AGBL4: variants seen among roughly 807,000 people sequenced by gnomAD.
AGBL4 encodes the protein cytosolic carboxypeptidase 6.
Under a neutral mutation model 66.4 loss-of-function variants are expected in AGBL4, and 58 were observed. That is an observed-to-expected ratio of 0.87 (90% CI 0.71 to 1.09). The LOEUF is 1.09. Among genes scored for constraint, AGBL4 ranks in the 50% least tolerant of loss-of-function variants. The pLI is 0.00. For missense variants in AGBL4, 579 were observed against 631.0 expected, an observed-to-expected ratio of 0.92 and a Z score of 0.88; for synonymous variants, 234 against 222.9, an observed-to-expected ratio of 1.05 and a Z score of -0.44.
At chr1:49,550,606 T>C (rs948606192) in intron 3 of AGBL4, among the ~76,000 whole-genome samples, 1 of 152,192 alleles carries the variant, frequency 6.6e-6, no homozygotes, top group South Asian at 2.1e-4. Context: ...AATTGTTTTA[T>C]TTGAGGAGGC....
chr1:49,063,354 T>C (rs890974245), intron 4 of AGBL4, among the ~76,000 whole-genome samples: 12 of 151,976 alleles, frequency 7.9e-5, no homozygotes, highest in African/African-American at 2.7e-4. Context: ...AACAGGTAAA[T>C]AGAATTTGGA....
intron 9 of AGBL4, among the ~76,000 whole-genome samples, chr1:48,599,822 T>C (rs1401579976): frequency 6.6e-6 from 1 of 152,098 alleles, no homozygotes; most frequent in Non-Finnish European, 1.5e-5. Flanking sequence ...AAGTAGGCAG[T>C]TGAATTCATG....
intron 3 of AGBL4, among the ~76,000 whole-genome samples, chr1:49,637,627 C>A (rs1369123808): frequency 1.3e-5 from 2 of 151,972 alleles, no homozygotes; most frequent in Non-Finnish European, 2.9e-5. Context: ...GAAATATTCC[C>A]TTTTTTATAT....
intron 6 of AGBL4, among the ~76,000 whole-genome samples, chr1:48,711,033 G>T (rs1646959449): frequency 1.3e-5 from 2 of 152,100 alleles, no homozygotes; most frequent in South Asian, 4.1e-4. Flanking sequence ...GTGCATCCTT[G>T]TCTGTCTGTC....
intron 6 of AGBL4, among the ~76,000 whole-genome samples, chr1:48,809,749 G>C (rs2148755525): frequency 6.6e-6 from 1 of 152,238 alleles, no homozygotes; most frequent in Non-Finnish European, 1.5e-5. Context: ...TTACTCTTAG[G>C]GGTCTGAGGT....
At chr1:49,408,819 T>C (rs1340153222) in intron 3 of AGBL4, among the ~76,000 whole-genome samples, 1 of 152,214 alleles carries the variant, frequency 6.6e-6, no homozygotes, top group African/African-American at 2.4e-5. Flanking sequence ...GCTTCCTTGC[T>C]CCTCAGCTGG....
At chr1:48,918,427 G>A (rs1389269449) in intron 5 of AGBL4, among the ~76,000 whole-genome samples, 2 of 152,214 alleles carry the variant, frequency 1.3e-5, no homozygotes, top group Non-Finnish European at 2.9e-5. Flanking sequence ...CAAAGAGGCA[G>A]CCTGGTGTGT....
chr1:49,061,341 C>G (rs1208374057), intron 4 of AGBL4, among the ~76,000 whole-genome samples: 4 of 152,122 alleles, frequency 2.6e-5, no homozygotes. Flanking sequence ...AGACGAGGAT[C>G]TTGAGGAGAT....
At chr1:48,768,783 A>G (rs1237519433) in intron 6 of AGBL4, among the ~76,000 whole-genome samples, 2 of 152,334 alleles carry the variant, frequency 1.3e-5, no homozygotes, top group East Asian at 1.9e-4. Context: ...ATATCTATAT[A>G]TAAGTTTAAA....
At chr1:49,406,820 C>G (rs1207280294) in intron 3 of AGBL4, among the ~76,000 whole-genome samples, 1 of 151,820 alleles carries the variant, frequency 6.6e-6, no homozygotes, top group Non-Finnish European at 1.5e-5. Context: ...AATCCCAGCA[C>G]TTTGGGAGGC....
chr1:48,818,381 G>A (rs1339056266), intron 6 of AGBL4, among the ~76,000 whole-genome samples: 1 of 152,142 alleles, frequency 6.6e-6, no homozygotes, highest in Non-Finnish European at 1.5e-5. Context: ...GTGACTCTTA[G>A]GGCACTGATG....
intron 2 of AGBL4, among the ~76,000 whole-genome samples, chr1:49,743,551 G>A (rs1378278571): frequency 1.3e-5 from 2 of 152,104 alleles, no homozygotes; most frequent in Non-Finnish European, 2.9e-5. Flanking sequence ...TCCCATTACT[G>A]GGTATATACC....
chr1:49,523,480 T>C lies in AGBL4; in HGVS notation c.282+173833A>G, dbSNP rs112670995. 1.7e-3 allele frequency among the ~76,000 whole-genome samples: 254 copies of C among 152,170 alleles called. 3 individuals carry two copies. The highest frequency in any genetic ancestry group is 2.8e-3 in the Non-Finnish European group (190 of 67,984). On this transcript the variant is annotated intron_variant, in intron 3 of 13. Transcript: ENST00000371839. ...TTTGTGTAGCACTGGACCTTAAATA[T>C]TGGTGCAATTATAGTATTTTTCACT...
chr1:49,411,112 G>A (rs560503176), intron 3 of AGBL4, among the ~76,000 whole-genome samples: 1 of 152,274 alleles, frequency 6.6e-6, no homozygotes, highest in African/African-American at 2.4e-5. Context: ...AAGTCCAAAA[G>A]CCTCAGAAGT....
intron 3 of AGBL4, among the ~76,000 whole-genome samples, chr1:49,577,925 T>A (rs1417369915): frequency 1.3e-5 from 2 of 152,174 alleles, no homozygotes; most frequent in African/African-American, 4.8e-5. Context: ...ATAGTTGGGA[T>A]TCATGGGTCC....
intron 6 of AGBL4, among the ~76,000 whole-genome samples, chr1:48,708,929 G>C (rs543284490): frequency 6.6e-6 from 1 of 152,314 alleles, no homozygotes; most frequent in African/African-American, 2.4e-5. Context: ...GCAGGACCAG[G>C]GTGAGAAAGT....
At chr1:49,508,364 T>C (rs941732848) in intron 3 of AGBL4, among the ~76,000 whole-genome samples, 14 of 152,058 alleles carry the variant, frequency 9.2e-5, no homozygotes, top group African/African-American at 2.9e-4. Context: ...GATACACTTA[T>C]GTTCCAGCAT....
chr1:49,809,593 C>T (rs1431309247), intron 2 of AGBL4, among the ~76,000 whole-genome samples: 1 of 152,136 alleles, frequency 6.6e-6, no homozygotes, highest in Non-Finnish European at 1.5e-5. Flanking sequence ...TGCTGTACAA[C>T]ATTATATCTA....
At chr1:49,951,070 G>T (rs1282120617) in intron 1 of AGBL4, among the ~76,000 whole-genome samples, 1 of 151,746 alleles carries the variant, frequency 6.6e-6, no homozygotes, top group Non-Finnish European at 1.5e-5. Flanking sequence ...GGTTGCCAGG[G>T]GATGGGGGGG....
Sources: allele counts gnomAD v4.1 joint callset (sites outside exome capture counted in the v4.1 genomes callset), GRCh38; gene constraint gnomAD v4.1.1; transcripts MANE v1.5; gene names NCBI Gene and HGNC (gene_info 2026-07-23, HGNC 2026-07-21).